Variants in SLC30A6 observed in about 807,000 individuals in gnomAD.
SLC30A6 encodes the protein solute carrier family 30 member 6, also known as zinc transporter 6.
A neutral mutation model predicts 63.0 loss-of-function variants in SLC30A6; 55 were observed. That is an observed-to-expected ratio of 0.87 (90% confidence interval 0.70 to 1.09). SLC30A6 has a LOEUF of 1.09. Ranked by LOEUF, SLC30A6 falls within the 50% of genes least tolerant of loss-of-function variation. The pLI is 0.00. For missense variants in SLC30A6, 587 were observed against 549.2 expected, an observed-to-expected ratio of 1.07 and a Z score of -0.69; for synonymous variants, 224 against 186.1, an observed-to-expected ratio of 1.20 and a Z score of -1.66.
chr2:32,213,795 AC>A (rs1685454906), intron 13 of SLC30A6, among the ~76,000 whole-genome samples: 3 of 92,578 alleles, frequency 3.2e-5, no homozygotes, highest in South Asian at 2.9e-4. Context: ...TCTAGGATAA[AC>A]TTTTTTTTTT....
At chr2:32,220,164 G>T in intron 13 of SLC30A6, 49 bp from the exon 14 acceptor site, 1 of 1,526,680 alleles carries the variant, frequency 6.6e-7, no homozygotes, top group Non-Finnish European at 8.8e-7. Context: ...TGAATTTTTT[G>T]TTAGTATAAT....
intron 4 of SLC30A6, among the ~76,000 whole-genome samples, chr2:32,178,261 T>TA (rs1376347589): frequency 6.6e-6 from 1 of 152,078 alleles, no homozygotes; most frequent in Non-Finnish European, 1.5e-5. Flanking sequence ...TATTTTTTTT[T>TA]AATGGTGTGA....
chr2:32,188,398 A>C (rs189204410), intron 5 of SLC30A6, among the ~76,000 whole-genome samples: 38 of 152,296 alleles, frequency 2.5e-4, no homozygotes, highest in Admixed American at 9.2e-4. Flanking sequence ...TACCCTTTAA[A>C]AGGTAAATTT....
Position 32,178,252 on chromosome 2 carries a change from A to T in SLC30A6, c.218+2891A>T, listed in dbSNP as rs1048895353. 6.0e-5 allele frequency among the ~76,000 whole-genome samples: 9 copies of T among 151,244 alleles called. 1 individual carries two copies. Among genetic ancestry groups the T allele is most frequent in the Admixed American group, 6.6e-5 (1 of 15,186 alleles). On this transcript the variant is annotated intron_variant, in intron 4 of 13. Coordinates refer to ENST00000282587, the MANE Select transcript of SLC30A6 (RefSeq NM_017964.5). The stretch of plus-strand genomic sequence containing the variant: ...GTGAGCCACCGCACCCGGCCAAGTT[A>T]TTTTTTTTTAATGGTGTGAGATTGG...
chr2:32,197,750 C>T lies in SLC30A6; in HGVS notation c.589C>T (p.Arg197Ter), dbSNP rs372253249. The T allele has an allele frequency of 1.2e-6, 2 of 1,613,950 alleles. No individual in the cohort carries two copies. Among genetic ancestry groups the T allele is most frequent in the African/African-American group, 1.3e-5 (1 of 74,926 alleles). The part of the protein sequence containing the change: ...IPGLSSIFLP[R>*]MNPFVLIDLA... ...GGGACTTAGCAGTATCTTCCTTCCC[C>T]GAATGAATCCATTTGTTTTGATTGA... Residue 197 changes from arginine to a stop codon, truncating the protein, a stop_gained, in exon 10 of 14, where the codon CGA becomes TGA. Coordinates refer to ENST00000282587, the MANE Select transcript of SLC30A6 (RefSeq NM_017964.5). LOFTEE classifies it high-confidence loss of function.
intron 13 of SLC30A6, among the ~76,000 whole-genome samples, chr2:32,216,554 T>C (rs1330645515): frequency 6.7e-6 from 1 of 148,384 alleles, no homozygotes; most frequent in East Asian, 2.0e-4. Flanking sequence ...AATAAATAAA[T>C]AAATAAATAA....
chr2:32,200,834 G>GAAAAAAA (rs59434197), intron 10 of SLC30A6, among the ~76,000 whole-genome samples: 2 of 149,244 alleles, frequency 1.3e-5, no homozygotes, highest in African/African-American at 5.0e-5. Context: ...GATCAATAAA[G>GAAAAAAA]AAAAAAATAA....
intron 10 of SLC30A6, chr2:32,203,190 TCTC>T (rs1245231638): frequency 1.5e-5 from 18 of 1,188,656 alleles, no homozygotes; most frequent in South Asian, 1.1e-4. Context: ...GATTCATGGT[TCTC>T]CTCCTCAGGA....
chr2:32,174,416 A>C (rs1681524214), intron 3 of SLC30A6, among the ~76,000 whole-genome samples: 1 of 152,100 alleles, frequency 6.6e-6, no homozygotes, highest in Non-Finnish European at 1.5e-5. Context: ...TGGTCTCAAA[A>C]TCCTGAGCTC....
intron 13 of SLC30A6, among the ~76,000 whole-genome samples, chr2:32,217,894 G>A (rs985673956): frequency 6.0e-5 from 9 of 150,550 alleles, no homozygotes; most frequent in Admixed American, 5.3e-4. Context: ...CCAGGCTGGC[G>A]TGCAGTGGTG....
intron 13 of SLC30A6, among the ~76,000 whole-genome samples, chr2:32,213,161 C>A (rs1685403741): frequency 6.6e-6 from 1 of 152,092 alleles, no homozygotes; most frequent in South Asian, 2.1e-4. Flanking sequence ...ACTGCCTTGG[C>A]CTCCCAAAGT....
chr2:32,203,811 C>G, intron 10 of SLC30A6: 1 of 1,455,460 alleles, frequency 6.9e-7, no homozygotes, highest in Non-Finnish European at 9.6e-7. Context: ...ATGATAGAAA[C>G]ACATCTTCTA....
rs771483709 is a variant in SLC30A6, at chr2:32,204,641, A to G, written c.717A>G (p.Thr239=). 2.7e-5 allele frequency: 43 copies of G among 1,612,984 alleles called. No individual in the cohort carries two copies. The South Asian group carries it at 2.7e-4, about 10-fold the overall frequency. Residue 239 remains threonine, a synonymous_variant, in exon 11 of 14, where the codon ACA becomes ACG. Transcript: ENST00000282587. ...TASAIAIALM[T]FGTMYPMSVY... is the part of the protein sequence containing the mutation. ...CTGCTATAGCTATTGCCTTGATGAC[A>G]TTTGGCACTATGTATCCCATGAGTG...
At chr2:32,178,657 AAC>A (rs1420129171) in intron 4 of SLC30A6, among the ~76,000 whole-genome samples, 2 of 152,174 alleles carry the variant, frequency 1.3e-5, no homozygotes, top group Non-Finnish European at 2.9e-5. Context: ...CAGCCTGGAC[AAC>A]AGAGTGAGAC....
rs191522812 is a variant in SLC30A6 at position 32,207,042 on chromosome 2, T to A, written c.816+109T>A. 9.0e-4 allele frequency: 772 copies of A among 853,276 alleles called. 1 individual carries two copies. Among genetic ancestry groups the A allele is most frequent in the Non-Finnish European group, 1.2e-3 (657 of 528,084 alleles). The allele number at this position is 853,276 out of a possible 1,614,324, so 52.9% of individuals were successfully genotyped here. A position where few individuals can be genotyped will look rare whatever the true frequency, so the allele number is the denominator to read the frequency against. The stretch of plus-strand genomic sequence containing the variant: ...TACCTAGAATTTTATTTGAGGGAAG[T>A]TCATGTTCTTCACAATAACATACTA... On this transcript the variant is annotated intron_variant, in intron 12 of 13. Transcript: ENST00000282587.
At chr2:32,197,644 A>G in intron 9 of SLC30A6, 63 bp from the exon 10 acceptor site, 1 of 1,603,458 alleles carries the variant, frequency 6.2e-7, no homozygotes, top group African/African-American at 1.3e-5. Context: ...ATCTTTTACA[A>G]GGTTGTCACC....
At chr2:32,203,599 G>A (rs1684483935) in intron 10 of SLC30A6, 2 of 1,593,022 alleles carry the variant, frequency 1.3e-6, no homozygotes, top group Admixed American at 3.3e-5. Flanking sequence ...AATACAGGAT[G>A]TCAGCTGTGC....
At chr2:32,166,790 A>G (rs1287662485) in intron 1 of SLC30A6, among the ~76,000 whole-genome samples, 1 of 152,266 alleles carries the variant, frequency 6.6e-6, no homozygotes, top group Non-Finnish European at 1.5e-5. Context: ...TGCCTCATTC[A>G]CACACTTTAT....
In SLC30A6 at chr2:32,192,404, T is replaced by A. The variant is rs1434743754; in HGVS notation, c.353T>A (p.Ile118Lys). ...TVLAQLGALF[I>K]LKESAERFLE... The stretch of plus-strand genomic sequence containing the variant: ...TTGGCACAGTTGGGAGCTCTCTTTA[T>A]ATTAAAAGAAAGGTACATTTGTATA... Residue 118 changes from isoleucine to lysine, a missense_variant, in exon 6 of 14, where the codon ATA becomes AAA. Coordinates refer to ENST00000282587, the MANE Select transcript of SLC30A6 (RefSeq NM_017964.5). 1.9e-6 allele frequency: 3 copies of A among 1,613,778 alleles called. No individual in the cohort carries two copies. Among genetic ancestry groups the A allele is most frequent in the Non-Finnish European group, 2.5e-6 (3 of 1,179,692 alleles).
Sources: allele counts gnomAD v4.1 joint callset (sites outside exome capture counted in the v4.1 genomes callset), GRCh38; gene constraint gnomAD v4.1.1; transcripts MANE v1.5; gene names NCBI Gene and HGNC (gene_info 2026-07-23, HGNC 2026-07-21).